The following SNAI3 variants were observed in gnomAD, a reference collection of about 807,000 sequenced individuals.
SNAI3 encodes the protein zinc finger protein SNAI3.
A neutral mutation model predicts 16.4 loss-of-function variants in SNAI3; 21 were observed. The ratio of observed to expected loss-of-function variants is 1.28; its 90% CI spans 0.91 to 1.85. The LOEUF is 1.85. SNAI3 is among the 40% of genes most tolerant of loss of function. The pLI, the probability that SNAI3 is intolerant of heterozygous loss-of-function variation, is 0.00. For missense variants in SNAI3, 457 were observed against 372.8 expected (o/e 1.23, Z -1.86); for synonymous variants, 202 against 166.6 (o/e 1.21, Z -1.64).
At chr16:88,678,970 T>G in intron 2 of SNAI3, 1 of 985,342 alleles carries the variant, frequency 1.0e-6, no homozygotes, top group Non-Finnish European at 1.2e-6. Context: ...TCCAGCAGAA[T>G]CCAGGGCAGG....
In SNAI3 at chr16:88,681,014, C is replaced by T. The variant is rs1909143817; in HGVS notation, c.697+80G>A. 5.2e-6 allele frequency: 8 copies of T among 1,533,038 alleles called. No individual in the cohort carries two copies. The highest frequency in any genetic ancestry group is 2.7e-5 in the African/African-American group (2 of 73,054). 95.0% of individuals were successfully genotyped at this position (1,533,038 alleles called of 1,614,324 possible). Reference sequence around the variant, plus strand: ...CCCATGCTATTGTTTATAAAATCACCCCTCCTCCTTTTCTAACTCCCGCAG... The same window carrying T: ...CCCATGCTATTGTTTATAAAATCACTCCTCCTCCTTTTCTAACTCCCGCAG... On this transcript the variant is annotated intron_variant, in intron 2 of 2. Transcript: ENST00000332281. This position sits in a 1 kb window ranked among gnomAD's most constrained non-coding sequence, Gnocchi z 5.4.
chr16:88,678,552 G>A lies in SNAI3; in HGVS notation c.775C>T (p.His259Tyr). The A allele has an allele frequency of 2.4e-6, 2 of 818,158 alleles. No homozygotes were observed. The highest frequency in any genetic ancestry group is 4.4e-6 in the Non-Finnish European group (2 of 453,840). The allele number at this position is 818,158 out of a possible 1,614,324, so 50.7% of individuals were successfully genotyped here. A position where few individuals can be genotyped will look rare whatever the true frequency, so the allele number is the denominator to read the frequency against. ...RSNLRAHLQTHSDAKKYRCRR... is the reference protein window; with the variant it reads ...RSNLRAHLQTYSDAKKYRCRR... ...CACCGGTACTTCTTGGCGTCTGAGT[G>A]CGTTTGCAGATGGGCCCGAAGGTTG... The change falls in exon 3 of 3, where the codon CAC becomes TAC. Residue 259 changes from histidine to tyrosine, a missense_variant. Coordinates refer to ENST00000332281, the MANE Select transcript of SNAI3 (RefSeq NM_178310.4).
At chr16:88,686,308 C>A (rs765804459) in intron 1 of SNAI3, 23 bp downstream of exon 1, 3 of 1,608,406 alleles carry the variant, frequency 1.9e-6, no homozygotes, top group Non-Finnish European at 2.5e-6. Context: ...CCGGCAGGGG[C>A]TCGGGGATCG....
At chr16:88,685,359 C>T (rs894693110) in intron 1 of SNAI3, 1 of 152,248 alleles carries the variant, frequency 6.6e-6, no homozygotes. Flanking sequence ...TGGGATCCCC[C>T]CCATCCCCAA....
chr16:88,682,878 G>T (rs180781367), intron 1 of SNAI3, among the ~76,000 whole-genome samples: 1 of 144,714 alleles, frequency 6.9e-6, no homozygotes, highest in African/African-American at 2.6e-5. Flanking sequence ...GGGTTCAAGC[G>T]ATTCTCCTGC....
At chr16:88,679,725 A>G (rs1229663246) in intron 2 of SNAI3, among the ~76,000 whole-genome samples, 1 of 128,976 alleles carries the variant, frequency 7.8e-6, no homozygotes, top group Non-Finnish European at 1.6e-5. Context: ...TAGAGCCACT[A>G]TGGTCCGGCC....
chr16:88,679,167 G>A (rs971819430), intron 2 of SNAI3: 17 of 919,710 alleles, frequency 1.8e-5, no homozygotes, highest in Non-Finnish European at 2.1e-5. Context: ...AGCCCCTGAG[G>A]GGCCCAGAGC....
chr16:88,678,482 C>G lies in SNAI3; in HGVS notation c.845G>C (p.Arg282Pro), dbSNP rs762485156. Residue 282 changes from arginine to proline, a missense_variant, in exon 3 of 3, where the codon CGG becomes CCG. Physicochemically the swap from Arg to Pro is moderately radical, Grantham distance 103. Coordinates refer to ENST00000332281, the MANE Select transcript of SNAI3 (RefSeq NM_178310.4). ...CGGGCAGCAGCCAGACTCCTCATGC[C>G]GCGCCAGGAGGGACATGCGGGAGAA... The part of the protein sequence containing the change: ...KTFSRMSLLA[R>P]HEESGCCPGP 2.6e-6 allele frequency: 2 copies of G among 778,586 alleles called. No homozygotes were observed. The highest frequency in any genetic ancestry group is 4.8e-6 in the Non-Finnish European group (2 of 420,968). The allele number at this position is 778,586 out of a possible 1,614,324, so 48.2% of individuals were successfully genotyped here.
At chr16:88,682,230 G>A (rs1280819857) in intron 1 of SNAI3, among the ~76,000 whole-genome samples, 1 of 152,164 alleles carries the variant, frequency 6.6e-6, no homozygotes, top group South Asian at 2.1e-4. Flanking sequence ...CCCCACAGTC[G>A]CCCCTCGGGC....
At chr16:88,686,250 C>T (rs2033295209) in intron 1 of SNAI3, 81 bp downstream of exon 1, 2 of 1,520,112 alleles carry the variant, frequency 1.3e-6, no homozygotes, top group Non-Finnish European at 1.8e-6. Flanking sequence ...CTCCCCAGCC[C>T]CCGCTCCCAG....
At chr16:88,682,255 A>G (rs1470950179) in intron 1 of SNAI3, among the ~76,000 whole-genome samples, 1 of 152,228 alleles carries the variant, frequency 6.6e-6, no homozygotes, top group Non-Finnish European at 1.5e-5. Context: ...CCTTTTGTGG[A>G]TAACGAGGCA....
rs868593692 is a variant in SNAI3 at position 88,678,173 on chromosome 16, G to A, written c.*275C>T. On this transcript the variant is annotated 3_prime_UTR_variant, in exon 3 of 3. Coordinates refer to ENST00000332281, the MANE Select transcript of SNAI3 (RefSeq NM_178310.4). ...GTAGCCCCGGAGACCTGGCCGTGTC[G>A]AAATGGAACCATGGCTCTTGTTCTG... is the stretch of plus-strand genomic sequence containing the variant. 12 of 387,274 alleles carry A rather than the reference G, an allele frequency of 3.1e-5. No individual in the cohort carries two copies. Among genetic ancestry groups the A allele is most frequent in the African/African-American group, 1.7e-4 (8 of 48,148 alleles). The allele number at this position is 387,274 out of a possible 1,614,324, so 24.0% of individuals were successfully genotyped here.
chr16:88,686,184 G>T, intron 1 of SNAI3, 147 bp downstream of exon 1: 1 of 1,084,492 alleles, frequency 9.2e-7, no homozygotes, highest in South Asian at 1.7e-5. Flanking sequence ...CCTCCCTGCA[G>T]CCGCAGCCGC....
chr16:88,683,886 A>G (rs927047385), intron 1 of SNAI3, among the ~76,000 whole-genome samples: 3 of 152,198 alleles, frequency 2.0e-5, no homozygotes, highest in Admixed American at 6.5e-5. Flanking sequence ...CTATTTCTCC[A>G]AAGACGATAC....
chr16:88,683,387 C>G (rs1909247750), intron 1 of SNAI3, among the ~76,000 whole-genome samples: 1 of 150,386 alleles, frequency 6.6e-6, no homozygotes, highest in African/African-American at 2.5e-5. Context: ...TCCCAAGTAG[C>G]TGGGATTACA....
At chr16:88,683,727 T>G (rs1051971581) in intron 1 of SNAI3, among the ~76,000 whole-genome samples, 2 of 152,138 alleles carry the variant, frequency 1.3e-5, no homozygotes, top group Admixed American at 1.3e-4. Context: ...CAGCTAATTT[T>G]TGTATGTTTA....
intron 1 of SNAI3, 24 bp downstream of exon 1, chr16:88,686,307 G>A: frequency 6.2e-7 from 1 of 1,608,282 alleles, no homozygotes; most frequent in Non-Finnish European, 8.5e-7. Flanking sequence ...CCCGGCAGGG[G>A]CTCGGGGATC....
At position 88,678,648 on chromosome 16, in the gene SNAI3, G is replaced by C; in HGVS notation, c.698-19C>G. 1 of 1,474,926 alleles carries C rather than the reference G, an allele frequency of 6.8e-7. No individual in the cohort carries two copies. Among genetic ancestry groups the C allele is most frequent in the South Asian group, 1.1e-5 (1 of 88,260 alleles). The allele number at this position is 1,474,926 out of a possible 1,614,324, so 91.4% of individuals were successfully genotyped here. On this transcript the variant is annotated intron_variant, in intron 2 of 2. Coordinates refer to ENST00000332281, the MANE Select transcript of SNAI3 (RefSeq NM_178310.4). ...TTCTCCCCTGTGGGAGGAAGGCGGC[G>C]GCCAGTGACACCATGGAAGATGGAG...
rs1489178084 is a variant in SNAI3, at chr16:88,678,605, T to C, written c.722A>G (p.His241Arg). Reference protein sequence around the residue: ...HTGEKPYACSHCSRAFADRSN... With the variant: ...HTGEKPYACSRCSRAFADRSN... ...GCGGTCGGCAAAGGCCCTGCTGCAG[T>C]GCGAGCAGGCATAGGGCTTCTCCCC... is the stretch of plus-strand genomic sequence containing the variant. Residue 241 changes from histidine to arginine, a missense_variant, in exon 3 of 3, where the codon CAC (histidine) becomes CGC (arginine). Transcript: ENST00000332281. The C allele has an allele frequency of 2.6e-6, 3 of 1,137,582 alleles. No individual in the cohort carries two copies. Among genetic ancestry groups the C allele is most frequent in the African/African-American group, 3.0e-5 (2 of 65,692 alleles). The allele number at this position is 1,137,582 out of a possible 1,614,324, so 70.5% of individuals were successfully genotyped here.
Sources: allele counts gnomAD v4.1 joint callset (sites outside exome capture counted in the v4.1 genomes callset), GRCh38; gene constraint gnomAD v4.1.1; non-coding constraint Gnocchi (gnomAD v3.1); transcripts MANE v1.5; gene names NCBI Gene and HGNC (gene_info 2026-07-23, HGNC 2026-07-21).